SUMF1: variants seen among roughly 807,000 people sequenced by gnomAD.
The protein encoded by SUMF1 is formylglycine-generating enzyme.
A neutral mutation model predicts 47.6 loss-of-function variants in SUMF1; 48 were observed. That is an observed-to-expected ratio of 1.01 (90% CI 0.80 to 1.28). The LOEUF (loss-of-function observed/expected upper bound fraction) is 1.28, where lower values mean the gene tolerates loss of function less well. Among genes scored for constraint, SUMF1 ranks in the 50% most tolerant of loss-of-function variants. The pLI, the probability that SUMF1 is intolerant of heterozygous loss-of-function variation, is 0.00. For synonymous variants in SUMF1, 230 were observed against 192.1 expected, an observed-to-expected ratio of 1.20 and a Z score of -1.63; for missense variants, 571 against 485.4, an observed-to-expected ratio of 1.18 and a Z score of -1.66.
intron 8 of SUMF1, among the ~76,000 whole-genome samples, chr3:4,238,506 T>C (rs1696461086): frequency 6.6e-6 from 1 of 152,236 alleles, no homozygotes; most frequent in African/African-American, 2.4e-5. Flanking sequence ...GTGGTTTTAA[T>C]TTGCATTTCT....
intron 8 of SUMF1, among the ~76,000 whole-genome samples, chr3:4,364,268 T>C (rs1033502247): frequency 8.6e-6 from 1 of 115,624 alleles, no homozygotes; most frequent in Non-Finnish European, 2.0e-5. Flanking sequence ...TCCCTCTTTT[T>C]CTATTGATTG....
intron 7 of SUMF1, among the ~76,000 whole-genome samples, chr3:4,383,503 G>A (rs1234712362): frequency 1.3e-5 from 2 of 152,214 alleles, no homozygotes; most frequent in East Asian, 1.9e-4. Context: ...TCGTGGTGGT[G>A]GCACGGGGCA....
At chr3:4,129,979 G>C (rs1471300758) in intron 8 of SUMF1, among the ~76,000 whole-genome samples, 1 of 152,094 alleles carries the variant, frequency 6.6e-6, no homozygotes, top group Non-Finnish European at 1.5e-5. Flanking sequence ...ATTACAGTAA[G>C]AAAGGCCAAA....
At chr3:4,108,923 C>CA (rs1281546227) in intron 8 of SUMF1, among the ~76,000 whole-genome samples, 5 of 151,984 alleles carry the variant, frequency 3.3e-5, no homozygotes, top group Admixed American at 1.3e-4. Context: ...AGCCCATTTA[C>CA]ATTTAAGGTT....
intron 9 of SUMF1, among the ~76,000 whole-genome samples, chr3:4,059,529 C>T (rs1185601963): frequency 6.6e-6 from 1 of 152,184 alleles, no homozygotes; most frequent in Admixed American, 6.6e-5. Context: ...TAAACCTCTA[C>T]AGCTGCTCAA....
At chr3:4,164,803 G>A (rs1389201784) in intron 8 of SUMF1, among the ~76,000 whole-genome samples, 1 of 152,124 alleles carries the variant, frequency 6.6e-6, no homozygotes, top group Non-Finnish European at 1.5e-5. Flanking sequence ...ATCTGTGCCA[G>A]ATTGGATAAT....
At chr3:4,408,799 C>T (rs1198287452) in intron 7 of SUMF1, among the ~76,000 whole-genome samples, 8 of 151,916 alleles carry the variant, frequency 5.3e-5, no homozygotes, top group Admixed American at 3.9e-4. Context: ...GGCGAAACCC[C>T]GTTTCTACTA....
intron 8 of SUMF1, among the ~76,000 whole-genome samples, chr3:4,188,631 G>A (rs1695252696): frequency 6.6e-6 from 1 of 152,130 alleles, no homozygotes; most frequent in African/African-American, 2.4e-5. Context: ...GTGTCTAAGA[G>A]TGCAGCTGGG....
chr3:4,197,146 A>T (rs1250528019), intron 8 of SUMF1, among the ~76,000 whole-genome samples: 1 of 152,144 alleles, frequency 6.6e-6, no homozygotes, highest in African/African-American at 2.4e-5. Context: ...CTATCAGGAG[A>T]TGGTATCATG....
At chr3:4,114,003 G>T (rs554266128) in intron 8 of SUMF1, among the ~76,000 whole-genome samples, 1 of 152,184 alleles carries the variant, frequency 6.6e-6, no homozygotes, top group Admixed American at 6.5e-5. Flanking sequence ...GATTTTAAAA[G>T]ATGCTGATTG....
At chr3:4,331,835 A>G (rs1272748961) in intron 8 of SUMF1, among the ~76,000 whole-genome samples, 2 of 152,070 alleles carry the variant, frequency 1.3e-5, no homozygotes, top group African/African-American at 2.4e-5. Context: ...ATCTCCAAAA[A>G]ATTAAATAAA....
intron 8 of SUMF1, among the ~76,000 whole-genome samples, chr3:4,341,062 T>A (rs138058015): frequency 1.2e-4 from 19 of 152,212 alleles, no homozygotes; most frequent in Non-Finnish European, 1.9e-4. Flanking sequence ...GATTTGATTG[T>A]CAAAAACTAA....
chr3:4,360,205 CTTTTTTTTTTT>C (rs57690047), downstream of SUMF1, among the ~76,000 whole-genome samples: 3 of 104,140 alleles, frequency 2.9e-5, no homozygotes, highest in African/African-American at 1.0e-4. Context: ...AATGTTTGTT[CTTTTTTTTTTT>C]TTTTTTTGCC....
At chr3:4,153,522 G>GTTTTTTTT (rs66765266) in intron 8 of SUMF1, among the ~76,000 whole-genome samples, 1 of 145,530 alleles carries the variant, frequency 6.9e-6, no homozygotes, top group Non-Finnish European at 1.5e-5. Context: ...CGCCTTGTAG[G>GTTTTTTTT]TTTTTTTTTT....
intron 3 of SUMF1, among the ~76,000 whole-genome samples, chr3:4,436,025 T>G (rs912847555): frequency 6.6e-6 from 1 of 152,240 alleles, no homozygotes; most frequent in Non-Finnish European, 1.5e-5. Context: ...TGCACATCGA[T>G]AATCCCAGCA....
chr3:4,465,014 A>T (rs935221900), intron 1 of SUMF1, among the ~76,000 whole-genome samples: 1 of 152,240 alleles, frequency 6.6e-6, no homozygotes, highest in African/African-American at 2.4e-5. Flanking sequence ...TAACATCCAC[A>T]TCCCATTCTG....
At chr3:4,130,240 T>C (rs1479885142) in intron 8 of SUMF1, among the ~76,000 whole-genome samples, 1 of 152,162 alleles carries the variant, frequency 6.6e-6, no homozygotes, top group African/African-American at 2.4e-5. Flanking sequence ...GTACCAGATG[T>C]GATTTCATTG....
chr3:4,249,720 A>C (rs1696750409), intron 8 of SUMF1, among the ~76,000 whole-genome samples: 1 of 152,206 alleles, frequency 6.6e-6, no homozygotes, highest in Non-Finnish European at 1.5e-5. Context: ...ACTTTAAATC[A>C]AGAGAGTTAG....
intron 8 of SUMF1, chr3:4,313,529 C>G: frequency 6.2e-7 from 1 of 1,613,950 alleles, no homozygotes; most frequent in Non-Finnish European, 8.5e-7. Flanking sequence ...TATGATTATT[C>G]AGGAAGATAT....
Sources: gnomAD v4.1 joint callset for allele counts (sites outside exome capture counted in the v4.1 genomes callset) on GRCh38, gnomAD v4.1.1 for gene constraint, MANE v1.5 for transcripts, NCBI Gene and HGNC (gene_info 2026-07-23, HGNC 2026-07-21) for gene names.